The following FRMD4A variants were observed in gnomAD, a reference collection of about 807,000 sequenced individuals.
FRMD4A encodes the protein FERM domain containing 4A, also known as FERM domain-containing protein 4A.
A neutral mutation model predicts 129.1 loss-of-function variants in FRMD4A; 29 were observed. That is an observed-to-expected ratio of 0.22 (90% confidence interval 0.17 to 0.31). The LOEUF (loss-of-function observed/expected upper bound fraction) is 0.31, where lower values mean the gene tolerates loss of function less well. Among genes scored for constraint, FRMD4A ranks in the 10% least tolerant of loss-of-function variants. The probability of loss-of-function intolerance (pLI) is 1.00; values close to 1 mark genes in which losing one functional copy is unlikely to be tolerated. For synonymous variants in FRMD4A, 634 were observed against 571.6 expected (o/e 1.11, Z -1.56); for missense variants, 1,272 against 1,375.8 (o/e 0.92, Z 1.19).
chr10:14,032,266 T>C (rs1833282321), intron 2 of FRMD4A, among the ~76,000 whole-genome samples: 1 of 152,176 alleles, frequency 6.6e-6, no homozygotes, highest in African/African-American at 2.4e-5. Context: ...TATATTACAA[T>C]ATGTAAATGT....
rs1218426 is a variant in FRMD4A at position 14,318,797 on chromosome 10, C to T, written c.45+11261G>A. 5.5e-3 allele frequency among the ~76,000 whole-genome samples: 842 copies of T among 152,252 alleles called. 8 individuals carry two copies. Among genetic ancestry groups the T allele is most frequent in the African/African-American group, 0.019 (796 of 41,532 alleles). ...ACCCTGTGGTGGCTTGAAACATGTC[C>T]TGAACCACATCGACATGTCCTTCAT... On this transcript the variant is annotated intron_variant, in intron 2 of 24. Transcript: ENST00000357447.
chr10:13,973,626 C>A (rs2095529464), intron 2 of FRMD4A, among the ~76,000 whole-genome samples: 1 of 151,848 alleles, frequency 6.6e-6, no homozygotes, highest in Non-Finnish European at 1.5e-5. Context: ...CAGGTGGGTA[C>A]TACAGAATCT....
intron 2 of FRMD4A, among the ~76,000 whole-genome samples, chr10:14,109,141 C>G (rs1201371135): frequency 2.0e-5 from 3 of 150,086 alleles, no homozygotes; most frequent in African/African-American, 7.4e-5. Flanking sequence ...GAAGATTAGA[C>G]ATCTACATAG....
chr10:13,663,845 C>T (rs1459194444), intron 18 of FRMD4A, among the ~76,000 whole-genome samples: 1 of 152,248 alleles, frequency 6.6e-6, no homozygotes, highest in East Asian at 1.9e-4. Flanking sequence ...TGTCCCTGCA[C>T]AAACCCAGGG....
chr10:14,239,495 T>C (rs186230674), intron 2 of FRMD4A, among the ~76,000 whole-genome samples: 332 of 152,182 alleles, frequency 2.2e-3, no homozygotes, highest in Non-Finnish European at 3.8e-3. Context: ...GGCGTGGTGG[T>C]GGGCACCTGT....
chr10:13,995,374 A>T (rs1282758634), intron 2 of FRMD4A, among the ~76,000 whole-genome samples: 1 of 152,170 alleles, frequency 6.6e-6, no homozygotes, highest in Non-Finnish European at 1.5e-5. Flanking sequence ...GCTTGAGGCC[A>T]AGAGTTTTGA....
At chr10:14,021,917 G>A (rs771824263) in intron 2 of FRMD4A, among the ~76,000 whole-genome samples, 2 of 151,994 alleles carry the variant, frequency 1.3e-5, no homozygotes. Context: ...AGTACAACCT[G>A]GTAAGAAATG....
intron 5 of FRMD4A, among the ~76,000 whole-genome samples, chr10:13,792,224 T>C (rs766820594): frequency 1.3e-5 from 2 of 152,230 alleles, no homozygotes; most frequent in African/African-American, 4.8e-5. Flanking sequence ...GAACACCATC[T>C]TTGCAGGAGG....
At chr10:13,862,933 GTTTTGT>G (rs1430526117) in intron 2 of FRMD4A, among the ~76,000 whole-genome samples, 1 of 102,658 alleles carries the variant, frequency 9.7e-6, no homozygotes, top group East Asian at 3.6e-4. Context: ...GTTTTGTTCT[GTTTTGT>G]TTTTTTTTTT....
At chr10:14,219,779 T>C (rs1462990828) in intron 2 of FRMD4A, among the ~76,000 whole-genome samples, 2 of 152,128 alleles carry the variant, frequency 1.3e-5, no homozygotes, top group African/African-American at 2.4e-5. Flanking sequence ...TCCAGACTCA[T>C]TTAGGGAACA....
chr10:13,780,720 C>T (rs989748998), intron 6 of FRMD4A, among the ~76,000 whole-genome samples: 3 of 152,068 alleles, frequency 2.0e-5, no homozygotes, highest in South Asian at 2.1e-4. Context: ...AACTGGAACC[C>T]TTGGGCACTG....
chr10:14,123,981 G>A (rs1255813011), intron 2 of FRMD4A, among the ~76,000 whole-genome samples: 2 of 152,092 alleles, frequency 1.3e-5, no homozygotes, highest in East Asian at 3.9e-4. Flanking sequence ...GGATGCAGAG[G>A]ATTCCGTAAA....
In FRMD4A at chr10:14,234,984, T is replaced by C. The variant is rs369144052; in HGVS notation, c.45+95074A>G. On this transcript the variant is annotated intron_variant, in intron 2 of 24. Coordinates refer to ENST00000357447, the MANE Select transcript of FRMD4A (RefSeq NM_018027.5). ...ATCTTTAGCAACTGTACTTTTGTAG[T>C]GCTCGTTCCTTTTTTCTTATTTGTT... is the stretch of plus-strand genomic sequence containing the variant. Among the ~76,000 whole-genome samples, 12 of 152,316 alleles carry C rather than the reference T, an allele frequency of 7.9e-5. 2 individuals are homozygous for C. Among genetic ancestry groups the C allele is most frequent in the Admixed American group, 3.3e-4 (5 of 15,304 alleles).
intron 2 of FRMD4A, among the ~76,000 whole-genome samples, chr10:14,185,930 C>T (rs1175521154): frequency 6.6e-6 from 1 of 152,126 alleles, no homozygotes; most frequent in Admixed American, 6.5e-5. Flanking sequence ...GCAAAGATGG[C>T]AGCTGGAGCA....
chr10:13,984,357 C>G (rs902009679), intron 2 of FRMD4A, among the ~76,000 whole-genome samples: 2 of 152,160 alleles, frequency 1.3e-5, no homozygotes, highest in Admixed American at 1.3e-4. Context: ...CCTTTCAGTT[C>G]CAGATACTGA....
intron 2 of FRMD4A, among the ~76,000 whole-genome samples, chr10:14,254,233 A>G (rs1589231840): frequency 6.6e-6 from 1 of 152,174 alleles, no homozygotes; most frequent in East Asian, 1.9e-4. Context: ...ACCAAGGTCA[A>G]TTTCTTCCAG....
chr10:14,256,296 AAAG>A (rs1844612757), intron 2 of FRMD4A, among the ~76,000 whole-genome samples: 1 of 152,186 alleles, frequency 6.6e-6, no homozygotes, highest in Admixed American at 6.5e-5. Context: ...GACTTACAAA[AAAG>A]AAGTTCTATA....
chr10:14,326,141 T>A (rs968147938), intron 2 of FRMD4A: 2 of 152,228 alleles, frequency 1.3e-5, no homozygotes, highest in African/African-American at 4.8e-5. Flanking sequence ...ATATTTTTTC[T>A]TGCTAGAGTC....
Position 13,782,875 on chromosome 10 carries a change from G to C in FRMD4A, c.384+47C>G, listed in dbSNP as rs116192692. 3.5e-3 allele frequency: 2,984 copies of C among 856,252 alleles called. 31 individuals are homozygous for C. Among genetic ancestry groups the C allele is most frequent in the African/African-American group, 0.023 (1,412 of 60,700 alleles). The allele number at this position is 856,252 out of a possible 1,614,324, so 53.0% of individuals were successfully genotyped here. A position where few individuals can be genotyped will look rare whatever the true frequency, so the allele number is the denominator to read the frequency against. On this transcript the variant is annotated intron_variant, in intron 6 of 24. Coordinates refer to ENST00000357447, the MANE Select transcript of FRMD4A (RefSeq NM_018027.5). ...CACTTTGGAATTTCCAGCTTCAAAT[G>C]ATACTTTCAGGTTTCAGAGGGAAAT... is the stretch of plus-strand genomic sequence containing the variant.
Sources: gnomAD v4.1 joint callset for allele counts (sites outside exome capture counted in the v4.1 genomes callset) on GRCh38, gnomAD v4.1.1 for gene constraint, MANE v1.5 for transcripts, NCBI Gene and HGNC (gene_info 2026-07-23, HGNC 2026-07-21) for gene names.